The following RASSF8 variants were observed in gnomAD, a reference collection of about 807,000 sequenced individuals.
The protein encoded by RASSF8 is ras association domain-containing protein 8.
RASSF8 carries 22 observed loss-of-function variants against 48.5 expected under a neutral mutation model. The ratio of observed to expected loss-of-function variants is 0.45; its 90% CI spans 0.32 to 0.65. The LOEUF (loss-of-function observed/expected upper bound fraction) is 0.65. Among genes scored for constraint, RASSF8 ranks in the 30% least tolerant of loss-of-function variants. The pLI is 0.03. For missense variants in RASSF8, 418 were observed against 489.2 expected, an observed-to-expected ratio of 0.85 and a Z score of 1.37; for synonymous variants, 127 against 171.5, an observed-to-expected ratio of 0.74 and a Z score of 2.03.
At chr12:25,986,927 T>TTTTG (rs1555160456) in intron 1 of RASSF8, among the ~76,000 whole-genome samples, 5 of 62,920 alleles carry the variant, frequency 7.9e-5, no homozygotes, top group African/African-American at 2.1e-4. Flanking sequence ...GTTTTTTTTT[T>TTTTG]TTGTTTGTTT....
intron 2 of RASSF8, among the ~76,000 whole-genome samples, chr12:26,021,757 C>T (rs1056560157): frequency 1.3e-5 from 2 of 152,166 alleles, no homozygotes; most frequent in Non-Finnish European, 2.9e-5. Context: ...GCTCCCCCTA[C>T]CCAGCCCCCA....
At chr12:25,999,802 A>G (rs1301561101) in intron 2 of RASSF8, among the ~76,000 whole-genome samples, 2 of 152,224 alleles carry the variant, frequency 1.3e-5, no homozygotes, top group African/African-American at 2.4e-5. Context: ...TGTGTATGAT[A>G]ATAATAACCA....
At chr12:25,968,696 A>G (rs900150161) in intron 1 of RASSF8, among the ~76,000 whole-genome samples, 1 of 152,232 alleles carries the variant, frequency 6.6e-6, no homozygotes, top group Non-Finnish European at 1.5e-5. Context: ...ATGCCCCTCC[A>G]TGAATGAGGA....
intron 2 of RASSF8, among the ~76,000 whole-genome samples, chr12:26,040,815 C>G (rs377230805): frequency 1.3e-5 from 2 of 151,932 alleles, no homozygotes; most frequent in South Asian, 4.2e-4. Flanking sequence ...TATTTGAGTT[C>G]AGTTTGTTAG....
chr12:26,076,516 T>A (rs1944074381), downstream of RASSF8, among the ~76,000 whole-genome samples: 1 of 152,202 alleles, frequency 6.6e-6, no homozygotes, highest in Non-Finnish European at 1.5e-5. Context: ...ACATGTGGTG[T>A]TTGGTTTTCT....
intron 2 of RASSF8, among the ~76,000 whole-genome samples, chr12:26,003,620 G>A (rs1387354874): frequency 6.6e-6 from 1 of 151,998 alleles, no homozygotes; most frequent in African/African-American, 2.4e-5. Context: ...AAAAATAACT[G>A]TATAGGGGGA....
rs1943819261 is a variant in RASSF8 at position 26,064,492 on chromosome 12, A to G, written c.104-6A>G. 2 of 1,521,988 alleles carry G rather than the reference A, an allele frequency of 1.3e-6. No homozygotes were observed. Among genetic ancestry groups the G allele is most frequent in the Non-Finnish European group, 1.8e-6 (2 of 1,135,152 alleles). The allele number at this position is 1,521,988 out of a possible 1,614,324, so 94.3% of individuals were successfully genotyped here. ...TTGACAAGTTATTCTTACCTTTTTT[A>G]CATAGGTCGAACTGGAAGGTACACC... On this transcript the variant is annotated splice_region_variant and splice_polypyrimidine_tract_variant and intron_variant, in intron 3 of 5. Coordinates refer to ENST00000689635, the MANE Select transcript of RASSF8 (RefSeq NM_001394098.1).
At chr12:25,982,167 T>C (rs1466565941) in intron 1 of RASSF8, among the ~76,000 whole-genome samples, 1 of 152,150 alleles carries the variant, frequency 6.6e-6, no homozygotes, top group Non-Finnish European at 1.5e-5. Flanking sequence ...ATAGAAGGCA[T>C]GTTAATCAAG....
downstream of RASSF8, among the ~76,000 whole-genome samples, chr12:26,074,020 TATAAA>T (rs200428135): frequency 6.3e-3 from 963 of 152,138 alleles, 14 homozygotes; most frequent in African/African-American, 0.022. Flanking sequence ...AATAGTACGT[TATAAA>T]AGCAAAGATG....
intron 2 of RASSF8, among the ~76,000 whole-genome samples, chr12:26,029,116 C>CT (rs1051658676): frequency 1.3e-5 from 2 of 152,208 alleles, no homozygotes; most frequent in African/African-American, 2.4e-5. Flanking sequence ...TTCCACAAGT[C>CT]TCTCTTCTAC....
At chr12:26,001,404 C>T (rs1390712819) in intron 2 of RASSF8, among the ~76,000 whole-genome samples, 2 of 152,098 alleles carry the variant, frequency 1.3e-5, no homozygotes, top group East Asian at 1.9e-4. Context: ...TTAACCTTAG[C>T]TTACTATATA....
intron 1 of RASSF8, among the ~76,000 whole-genome samples, chr12:25,986,917 G>A (rs543917008): frequency 7.8e-4 from 113 of 145,510 alleles, no homozygotes; most frequent in African/African-American, 2.8e-3. Flanking sequence ...TTGAACTACC[G>A]TTTTTTTTTT....
chr12:25,967,075 T>C lies in RASSF8; in HGVS notation c.-203+7927T>C, dbSNP rs144044682. Among the ~76,000 whole-genome samples the C allele has an allele frequency of 2.3e-4, 35 of 152,370 alleles. 1 individual carries two copies. The East Asian group carries it at 6.0e-3, about 26-fold the overall frequency. On this transcript the variant is annotated intron_variant, in intron 1 of 5. Coordinates refer to ENST00000689635, the MANE Select transcript of RASSF8 (RefSeq NM_001394098.1). Reference sequence around the variant, plus strand: ...CTTGTCAAAAATCAGTTGTCTGTTATATCCTTTTTTATTGTATCAGTTGAT... The same window carrying C: ...CTTGTCAAAAATCAGTTGTCTGTTACATCCTTTTTTATTGTATCAGTTGAT...
At chr12:26,004,520 A>G (rs1942339030) in intron 2 of RASSF8, among the ~76,000 whole-genome samples, 1 of 152,240 alleles carries the variant, frequency 6.6e-6, no homozygotes, top group South Asian at 2.1e-4. Flanking sequence ...ATTGTTGACC[A>G]GAAGGCTTAC....
At chr12:26,028,596 A>G (rs1406572373) in intron 2 of RASSF8, among the ~76,000 whole-genome samples, 1 of 152,182 alleles carries the variant, frequency 6.6e-6, no homozygotes, top group Non-Finnish European at 1.5e-5. Flanking sequence ...TCTTGCAGCT[A>G]CGGTAAGTGA....
intron 1 of RASSF8, among the ~76,000 whole-genome samples, chr12:25,987,852 T>C (rs1941922861): frequency 6.6e-6 from 1 of 151,956 alleles, no homozygotes; most frequent in South Asian, 2.1e-4. Flanking sequence ...TTTTTATTAT[T>C]TATTTATTTA....
intron 1 of RASSF8, among the ~76,000 whole-genome samples, chr12:25,976,187 C>A (rs1369846782): frequency 1.3e-5 from 2 of 152,142 alleles, no homozygotes; most frequent in African/African-American, 4.8e-5. Flanking sequence ...CCCATCAGAT[C>A]GACTTCCTAG....
At chr12:26,002,084 A>G (rs1468160136) in intron 2 of RASSF8, among the ~76,000 whole-genome samples, 2 of 152,228 alleles carry the variant, frequency 1.3e-5, no homozygotes, top group Non-Finnish European at 2.9e-5. Context: ...TCGTTGACTA[A>G]AACATTGTTA....
intron 1 of RASSF8, among the ~76,000 whole-genome samples, chr12:25,994,034 C>T (rs1942074901): frequency 1.3e-5 from 2 of 152,104 alleles, no homozygotes; most frequent in South Asian, 4.1e-4. Context: ...GCTATAGCAG[C>T]TGTGCAGGGA....
Sources: gnomAD v4.1 joint callset for allele counts (sites outside exome capture counted in the v4.1 genomes callset) on GRCh38, gnomAD v4.1.1 for gene constraint, MANE v1.5 for transcripts, NCBI Gene and HGNC (gene_info 2026-07-23, HGNC 2026-07-21) for gene names.